SGTA: variants seen among roughly 807,000 people sequenced by gnomAD.
SGTA encodes small glutamine-rich tetratricopeptide repeat-containing protein alpha.
A neutral mutation model predicts 44.3 loss-of-function variants in SGTA; 22 were observed. The ratio of observed to expected loss-of-function variants is 0.50; its 90% confidence interval spans 0.36 to 0.71. The LOEUF (loss-of-function observed/expected upper bound fraction) is 0.71. Ranked by LOEUF, SGTA falls within the 30% of genes least tolerant of loss-of-function variation. The probability of loss-of-function intolerance (pLI) is 0.00; values close to 1 mark genes in which losing one functional copy is unlikely to be tolerated. For synonymous variants in SGTA, 174 were observed against 177.6 expected, an observed-to-expected ratio of 0.98 and a Z score of 0.16; for missense variants, 341 against 435.9, an observed-to-expected ratio of 0.78 and a Z score of 1.94.
chr19:2,769,754 TCCCCCTCGGACACCCTCCTGTGC>T (rs1360955526), intron 1 of SGTA, among the ~76,000 whole-genome samples: 2 of 123,046 alleles, frequency 1.6e-5, no homozygotes, highest in Non-Finnish European at 3.5e-5. Context: ...CCCCTCTAGT[TCCCCCTCGGACACCCTCCTGTGC>T]CCCCCTCGGA....
chr19:2,778,239 G>C (rs1404375072), intron 1 of SGTA, among the ~76,000 whole-genome samples: 1 of 152,140 alleles, frequency 6.6e-6, no homozygotes, highest in Non-Finnish European at 1.5e-5. Context: ...GTGTGTGGAG[G>C]GGGATGTGCG....
chr19:2,754,965 C>G lies in SGTA; in HGVS notation c.*975G>C, dbSNP rs1914778641. On this transcript the variant is annotated 3_prime_UTR_variant, in exon 12 of 12. Coordinates refer to ENST00000221566, the MANE Select transcript of SGTA (RefSeq NM_003021.4). The surrounding 1 kb of genome is among the most constrained non-coding windows in gnomAD (Gnocchi z 4.4). ...GTCTGCCACCCCCAGGCCTCAGGAA[C>G]CCAGACAGGCTGCCTGCTGTCCGGC... 4 of 152,182 alleles carry G rather than the reference C, an allele frequency of 2.6e-5. No individual in the cohort carries two copies. The South Asian group carries it at 8.3e-4, about 31-fold the overall frequency. 9.4% of individuals were successfully genotyped at this position (152,182 alleles called of 1,614,324 possible). A position where few individuals can be genotyped will look rare whatever the true frequency, so the allele number is the denominator to read the frequency against.
chr19:2,761,308 G>A lies in SGTA; in HGVS notation c.699+152C>T, dbSNP rs958014400. The A allele has an allele frequency of 5.9e-5, 42 of 714,450 alleles. No individual in the cohort carries two copies. The highest frequency in any genetic ancestry group is 8.7e-5 in the African/African-American group (5 of 57,178). The allele number at this position is 714,450 out of a possible 1,614,324, so 44.3% of individuals were successfully genotyped here. On this transcript the variant is annotated intron_variant, in intron 8 of 11. Coordinates refer to ENST00000221566, the MANE Select transcript of SGTA (RefSeq NM_003021.4). This position sits in a 1 kb window ranked among gnomAD's most constrained non-coding sequence, Gnocchi z 5.7. ...GCCAGGGGTGCTGCCAGCGCCCTGC[G>A]GTGCCCAGGACGACCCCACAGACAA...
At chr19:2,774,056 GC>G (rs1915385000) in intron 1 of SGTA, among the ~76,000 whole-genome samples, 1 of 152,204 alleles carries the variant, frequency 6.6e-6, no homozygotes, top group Non-Finnish European at 1.5e-5. Context: ...CAAGGAACGA[GC>G]CCCGACAGAA....
In SGTA at chr19:2,762,461, C is replaced by G. The variant is rs778988496; in HGVS notation, c.636+45G>C. On this transcript the variant is annotated intron_variant, in intron 7 of 11. Coordinates refer to ENST00000221566, the MANE Select transcript of SGTA (RefSeq NM_003021.4). ...CCCGAGGACCTGTCCCCCACCCACA[C>G]AGTCAGCTCGGCGTTCTGGAGCCAC... The G allele has an allele frequency of 5.0e-6, 8 of 1,603,572 alleles. No individual in the cohort carries two copies. The South Asian group carries it at 7.7e-5, about 15-fold the overall frequency.
intron 1 of SGTA, among the ~76,000 whole-genome samples, chr19:2,776,385 G>C (rs1915446080): frequency 6.6e-6 from 1 of 152,232 alleles, no homozygotes; most frequent in Admixed American, 6.5e-5. Context: ...AGGAAATCCT[G>C]ACCAGGCTAC....
Position 2,763,630 on chromosome 19 carries a change from C to T in SGTA, c.497+23G>A, listed in dbSNP as rs114438014. 3.1e-3 allele frequency: 4,858 copies of T among 1,550,198 alleles called. 116 individuals carry two copies. In the African/African-American group the frequency reaches 0.056, roughly 18 times the overall value. ...GAGGGGTCCCGAGAGACTGGAAAGG[C>T]GCGGCCGTGGACAGGCACTCACCCC... On this transcript the variant is annotated intron_variant, in intron 6 of 11. Transcript: ENST00000221566. This position sits in a 1 kb window ranked among gnomAD's most constrained non-coding sequence, Gnocchi z 5.8.
chr19:2,757,829 AC>A (rs1209845628), intron 9 of SGTA, 47 bp from the exon 10 acceptor site: 2 of 1,339,504 alleles, frequency 1.5e-6, no homozygotes, highest in Non-Finnish European at 2.0e-6. Context: ...CCTGACCGCC[AC>A]CCCCACTGCA....
intron 1 of SGTA, among the ~76,000 whole-genome samples, chr19:2,778,310 T>C (rs961941884): frequency 6.6e-6 from 1 of 152,176 alleles, no homozygotes; most frequent in African/African-American, 2.4e-5. Flanking sequence ...TTCTTTGGTG[T>C]ACCTGTTTCC....
At chr19:2,762,412 G>C (rs1599498741) in intron 7 of SGTA, 94 bp downstream of exon 7, 1 of 1,324,098 alleles carries the variant, frequency 7.6e-7, no homozygotes, top group East Asian at 2.3e-5. Flanking sequence ...CGACACCCAG[G>C]TTAAGCCTAG....
intron 1 of SGTA, 119 bp downstream of exon 1, chr19:2,783,114 C>T (rs1485880323): frequency 6.6e-6 from 1 of 152,360 alleles, no homozygotes. Context: ...TCACAGGACC[C>T]CGCGGGTCGC....
intron 1 of SGTA, among the ~76,000 whole-genome samples, chr19:2,771,643 T>C (rs741103): frequency 0.24 from 36,521 of 149,524 alleles, 5,218 homozygotes; most frequent in East Asian, 0.54. Flanking sequence ...CACAGGCAGG[T>C]ACGTGGACGG....
chr19:2,760,495 G>A (rs1914955074), intron 8 of SGTA, among the ~76,000 whole-genome samples: 1 of 138,068 alleles, frequency 7.2e-6, no homozygotes, highest in South Asian at 2.3e-4. Flanking sequence ...TCCAACCTGG[G>A]CGACAGAGCG....
chr19:2,776,984 C>T (rs7253128), intron 1 of SGTA, among the ~76,000 whole-genome samples: 53,178 of 150,888 alleles, frequency 0.35, 11,254 homozygotes, highest in East Asian at 0.66. Flanking sequence ...AAAGACTGGT[C>T]GGGCACAGTG....
chr19:2,776,059 GAC>G (rs1485600130), intron 1 of SGTA, among the ~76,000 whole-genome samples: 2 of 152,046 alleles, frequency 1.3e-5, no homozygotes, highest in Non-Finnish European at 2.9e-5. Flanking sequence ...TCTCATGTAC[GAC>G]ACATCAGGGC....
chr19:2,768,667 C>T (rs1223881707), intron 2 of SGTA, among the ~76,000 whole-genome samples: 1 of 152,214 alleles, frequency 6.6e-6, no homozygotes, highest in East Asian at 1.9e-4. Context: ...GTGGTGAGAA[C>T]ATTCCAGAAC....
At chr19:2,756,749 C>A (rs942332370) in intron 11 of SGTA, among the ~76,000 whole-genome samples, 2 of 151,900 alleles carry the variant, frequency 1.3e-5, no homozygotes, top group African/African-American at 4.8e-5. Flanking sequence ...ACTCAGGGGC[C>A]CCTGGGGAAG....
At position 2,763,817 on chromosome 19, in the gene SGTA, CT is replaced by C. The variant is rs1258461204; in HGVS notation, c.393-61del. On this transcript the variant is annotated intron_variant, in intron 5 of 11. Coordinates refer to ENST00000221566, the MANE Select transcript of SGTA (RefSeq NM_003021.4). This position sits in a 1 kb window ranked among gnomAD's most constrained non-coding sequence, Gnocchi z 5.8. ...GCGGCTCTGAGCCCAGCGGGCAGCC[CT>C]TGAGGGGAGCCTGAGAGCTGCGTTC... 9 of 1,392,728 alleles carry C rather than the reference CT, an allele frequency of 6.5e-6. No individual in the cohort carries two copies. Among genetic ancestry groups the C allele is most frequent in the Non-Finnish European group, 7.0e-6 (7 of 998,574 alleles). 86.3% of individuals were successfully genotyped at this position (1,392,728 alleles called of 1,614,324 possible).
chr19:2,774,992 C>T (rs577772978), intron 1 of SGTA, among the ~76,000 whole-genome samples: 2 of 152,342 alleles, frequency 1.3e-5, no homozygotes, highest in East Asian at 3.9e-4. Flanking sequence ...GCTCAGTGCC[C>T]TGGAGTGCCC....
Sources: gnomAD v4.1 joint callset for allele counts (sites outside exome capture counted in the v4.1 genomes callset) on GRCh38, gnomAD v4.1.1 for gene constraint, Gnocchi (gnomAD v3.1) non-coding constraint, MANE v1.5 for transcripts, NCBI Gene and HGNC (gene_info 2026-07-23, HGNC 2026-07-21) for gene names.